APOL6: variants seen among roughly 807,000 people sequenced by gnomAD.
APOL6 encodes apolipoprotein L6, also known as apolipoprotein L, 6.
A neutral mutation model predicts 2.4 loss-of-function variants in APOL6; 1 was observed. The observed-to-expected ratio is 0.41, with a 90% CI of 0.15 to 1.94. The LOEUF (loss-of-function observed/expected upper bound fraction) is 1.94. Ranked by LOEUF, APOL6 falls within the 30% of genes most tolerant of loss-of-function variation. The probability of loss-of-function intolerance (pLI) is 0.30; values close to 1 mark genes in which losing one functional copy is unlikely to be tolerated. For missense variants in APOL6, 438 were observed against 429.2 expected (o/e 1.02, Z -0.18); for synonymous variants, 189 against 169.3 (o/e 1.12, Z -0.90).
chr22:35,658,034 T>C (rs1213894652), intron 2 of APOL6, among the ~76,000 whole-genome samples: 1 of 152,056 alleles, frequency 6.6e-6, no homozygotes, highest in Non-Finnish European at 1.5e-5. Flanking sequence ...TGAATAATAA[T>C]TTATCTCAAC....
At chr22:35,655,690 C>G (rs1457791951) in intron 1 of APOL6, among the ~76,000 whole-genome samples, 1 of 151,714 alleles carries the variant, frequency 6.6e-6, no homozygotes, top group African/African-American at 2.4e-5. Context: ...TTTTCTCAAC[C>G]CTCATAAGTT....
intron 1 of APOL6, among the ~76,000 whole-genome samples, chr22:35,655,849 T>C (rs1405424866): frequency 2.0e-5 from 3 of 152,138 alleles, no homozygotes; most frequent in African/African-American, 7.2e-5. Context: ...CCAGCTTCAA[T>C]ACATCTCCAA....
In APOL6 at chr22:35,665,885, C is replaced by G. The variant is rs1925165230; in HGVS notation, c.*6289C>G. ...AACCTTTTGTATTTGACAAGCTTTC[C>G]AAAATCAAATTATAAATTATGTATT... On this transcript the variant is annotated 3_prime_UTR_variant, in exon 3 of 3. Transcript: ENST00000409652. 6.6e-6 allele frequency: 1 copy of G among 152,092 alleles called. No homozygotes were observed. The highest frequency in any genetic ancestry group is 1.5e-5 in the Non-Finnish European group (1 of 68,006). The allele number at this position is 152,092 out of a possible 1,614,324, so 9.4% of individuals were successfully genotyped here. A position where few individuals can be genotyped will look rare whatever the true frequency, so the allele number is the denominator to read the frequency against.
In APOL6 at chr22:35,667,702, G is replaced by A. The variant is rs1297599867; in HGVS notation, c.*8106G>A. 6.6e-6 allele frequency: 1 copy of A among 152,226 alleles called. No homozygotes were observed. Among genetic ancestry groups the A allele is most frequent in the Non-Finnish European group, 1.5e-5 (1 of 68,040 alleles). 9.4% of individuals were successfully genotyped at this position (152,226 alleles called of 1,614,324 possible). On this transcript the variant is annotated 3_prime_UTR_variant, in exon 3 of 3. Coordinates refer to ENST00000409652, the MANE Select transcript of APOL6 (RefSeq NM_030641.4). The stretch of plus-strand genomic sequence containing the variant: ...CCAGGGTCAGCAACCCAAGAAGCCT[G>A]ACTTCCAAGCTGTGCTTTTAACTTC...
At position 35,659,554 on chromosome 22, in the gene APOL6, G is replaced by A. The variant is rs781699411; in HGVS notation, c.990G>A (p.Leu330=). ...LREHVWMWLW[L]CVCLCVCVYV... ...AGCATGTGTGGATGTGGCTGTGGCT[G>A]TGTGTGTGTCTGTGTGTCTGTGTGT... The change falls in exon 3 of 3, where the codon CTG becomes CTA. Residue 330 remains leucine (L), a synonymous_variant. Transcript: ENST00000409652. 6.2e-7 allele frequency: 1 copy of A among 1,612,916 alleles called. No homozygotes were observed. The highest frequency in any genetic ancestry group is 8.5e-7 in the Non-Finnish European group (1 of 1,179,496).
chr22:35,653,295 G>A (rs2145954059), intron 1 of APOL6, among the ~76,000 whole-genome samples: 1 of 152,234 alleles, frequency 6.6e-6, no homozygotes, highest in East Asian at 1.9e-4. Context: ...AGGAGATTTT[G>A]GGCTGAGACA....
chr22:35,656,465 GGTTTGCAAAGGTAA>G lies in APOL6; in HGVS notation c.41_50+4del. ...GGAGAGAGAAAGTGAGGCTGGTGTTGGTTTGCAAAGGTAATCCAAAGGGTGTAGTCCCCAGGGAG... is the reference window on the plus strand; with the variant it reads ...GGAGAGAGAAAGTGAGGCTGGTGTTGTCCAAAGGGTGTAGTCCCCAGGGAG... On this transcript the variant is annotated splice_donor_variant and splice_donor_region_variant and coding_sequence_variant and intron_variant, in exon 2 of 3. Coordinates refer to ENST00000409652, the MANE Select transcript of APOL6 (RefSeq NM_030641.4). LOFTEE classifies it high-confidence loss of function. 6.2e-7 allele frequency: 1 copy of G among 1,614,094 alleles called. No homozygotes were observed. Among genetic ancestry groups the G allele is most frequent in the Non-Finnish European group, 8.5e-7 (1 of 1,179,978 alleles).
Position 35,663,376 on chromosome 22 carries a change from A to G in APOL6, c.*3780A>G, listed in dbSNP as rs1925084605. On this transcript the variant is annotated 3_prime_UTR_variant, in exon 3 of 3. Transcript: ENST00000409652. Reference sequence around the variant, plus strand: ...TTTTTTTAAGTTTTTAAAGAAGCTCAGTGGTTGAAAGTCTGCTTAACTGAA... The same window carrying G: ...TTTTTTTAAGTTTTTAAAGAAGCTCGGTGGTTGAAAGTCTGCTTAACTGAA... The G allele has an allele frequency of 6.6e-6, 1 of 152,124 alleles. No homozygotes were observed. The highest frequency in any genetic ancestry group is 1.5e-5 in the Non-Finnish European group (1 of 68,004). 9.4% of individuals were successfully genotyped at this position (152,124 alleles called of 1,614,324 possible).
At position 35,658,738 on chromosome 22, in the gene APOL6, C is replaced by G. The variant is rs1346346021; in HGVS notation, c.174C>G (p.Asp58Glu). ...AAGAAGATCTGAAAGGGAACATTGA[C>G]AAGCTCCGTGCCCTCGCAGACGATA... is the stretch of plus-strand genomic sequence containing the variant. Reference protein sequence around the residue: ...RLKEDLKGNIDKLRALADDID... With the variant: ...RLKEDLKGNIEKLRALADDID... The change falls in exon 3 of 3, where the codon GAC becomes GAG. Residue 58 changes from aspartate (D) to glutamate (E), a missense_variant. Transcript: ENST00000409652. 6.2e-7 allele frequency: 1 copy of G among 1,614,188 alleles called. No homozygotes were observed. The highest frequency in any genetic ancestry group is 1.7e-5 in the Admixed American group (1 of 60,034).
rs2145962561 is a variant in APOL6, at chr22:35,664,763, C to A, written c.*5167C>A. The A allele has an allele frequency of 6.6e-6, 1 of 151,278 alleles. No individual in the cohort carries two copies. The highest frequency in any genetic ancestry group is 1.9e-4 in the East Asian group (1 of 5,156). The allele number at this position is 151,278 out of a possible 1,614,324, so 9.4% of individuals were successfully genotyped here. ...TTTGGGTATTTTCCAATAAATATAT[C>A]TTGTAGGAAAACATTGTTGCTTAAA... On this transcript the variant is annotated 3_prime_UTR_variant, in exon 3 of 3. Coordinates refer to ENST00000409652, the MANE Select transcript of APOL6 (RefSeq NM_030641.4).
intron 1 of APOL6, among the ~76,000 whole-genome samples, chr22:35,654,461 T>G (rs1924787111): frequency 6.6e-6 from 1 of 151,900 alleles, no homozygotes; most frequent in Admixed American, 6.6e-5. Context: ...CCTTTACTGC[T>G]CTCATCGCTC....
chr22:35,650,748 T>G (rs1453900724), intron 1 of APOL6, among the ~76,000 whole-genome samples: 2 of 151,852 alleles, frequency 1.3e-5, no homozygotes, highest in Admixed American at 1.3e-4. Flanking sequence ...TGGCCAACCT[T>G]GTGAAACCCC....
chr22:35,659,374 G>C lies in APOL6; in HGVS notation c.810G>C (p.Glu270Asp), dbSNP rs1334373599. ...GAGCAAGGACAAAGTTTGCGGAAGA[G>C]TTGAGAGCCAAGGCCTTGGAGCTGG... ...KEGARTKFAE[E>D]LRAKALELER... is the part of the protein sequence containing the mutation. The change falls in exon 3 of 3, where the codon GAG (glutamate) becomes GAC (aspartate). Residue 270 changes from glutamate (E) to aspartate (D), a missense_variant. By Grantham distance (45) the Glu-to-Asp change is conservative. Coordinates refer to ENST00000409652, the MANE Select transcript of APOL6 (RefSeq NM_030641.4). 1 of 1,614,034 alleles carries C rather than the reference G, an allele frequency of 6.2e-7. No individual in the cohort carries two copies. Among genetic ancestry groups the C allele is most frequent in the African/African-American group, 1.3e-5 (1 of 74,906 alleles).
Position 35,665,982 on chromosome 22 carries a change from G to A in APOL6, c.*6386G>A, listed in dbSNP as rs1925169161. The A allele has an allele frequency of 6.6e-6, 1 of 151,996 alleles. No individual in the cohort carries two copies. The highest frequency in any genetic ancestry group is 6.6e-5 in the Admixed American group (1 of 15,258). 9.4% of individuals were successfully genotyped at this position (151,996 alleles called of 1,614,324 possible). A position where few individuals can be genotyped will look rare whatever the true frequency, so the allele number is the denominator to read the frequency against. Reference sequence around the variant, plus strand: ...TAAAATGACATAATTTGGCTTATTTGGTATAAAAATTATATAGGAAGCATT... The same window carrying A: ...TAAAATGACATAATTTGGCTTATTTAGTATAAAAATTATATAGGAAGCATT... On this transcript the variant is annotated 3_prime_UTR_variant, in exon 3 of 3. Coordinates refer to ENST00000409652, the MANE Select transcript of APOL6 (RefSeq NM_030641.4).
At chr22:35,658,281 C>T (rs1924901701) in intron 2 of APOL6, among the ~76,000 whole-genome samples, 1 of 152,128 alleles carries the variant, frequency 6.6e-6, no homozygotes, top group African/African-American at 2.4e-5. Flanking sequence ...TTAACATTTC[C>T]CCACTGCCCC....
intron 1 of APOL6, among the ~76,000 whole-genome samples, chr22:35,652,780 T>G (rs578087945): frequency 5.9e-5 from 9 of 152,180 alleles, no homozygotes; most frequent in African/African-American, 2.2e-4. Context: ...ACCAGTACCA[T>G]GCTGTTTTGG....
intron 2 of APOL6, 101 bp from the exon 3 acceptor site, chr22:35,658,514 C>A: frequency 9.7e-7 from 1 of 1,028,384 alleles, no homozygotes; most frequent in Non-Finnish European, 1.4e-6. Context: ...TAGGGAGGTA[C>A]AGGGAGGATT....
chr22:35,656,792 T>G (rs550462071), intron 2 of APOL6, among the ~76,000 whole-genome samples: 32 of 152,314 alleles, frequency 2.1e-4, no homozygotes, highest in Non-Finnish European at 3.7e-4. Flanking sequence ...GAACTCCATT[T>G]CTTCAGCTCA....
chr22:35,649,033 G>T (rs908909126), intron 1 of APOL6, among the ~76,000 whole-genome samples: 2 of 152,186 alleles, frequency 1.3e-5, no homozygotes, highest in Non-Finnish European at 2.9e-5. Flanking sequence ...AAGAAAAAAG[G>T]TGCTGGGTGA....
Sources: allele counts gnomAD v4.1 joint callset (sites outside exome capture counted in the v4.1 genomes callset), GRCh38; gene constraint gnomAD v4.1.1; transcripts MANE v1.5; gene names NCBI Gene and HGNC (gene_info 2026-07-23, HGNC 2026-07-21).